RARB: variants seen among roughly 807,000 people sequenced by gnomAD.
RARB encodes the protein retinoic acid receptor beta, also known as HBV-activated protein.
In RARB, 17 loss-of-function variants were observed where a neutral mutation model predicts 51.9. That is an observed-to-expected ratio of 0.33 (90% CI 0.22 to 0.49). The LOEUF (loss-of-function observed/expected upper bound fraction) is 0.49, where lower values mean the gene tolerates loss of function less well. Ranked by LOEUF, RARB falls within the 20% of genes least tolerant of loss-of-function variation. The pLI is 0.99. For synonymous variants in RARB, 215 were observed against 195.4 expected, an observed-to-expected ratio of 1.10 and a Z score of -0.84; for missense variants, 369 against 550.8, an observed-to-expected ratio of 0.67 and a Z score of 3.30.
chr3:25,251,128 G>T (rs1047617486), intron 5 of RARB, among the ~76,000 whole-genome samples: 1 of 152,068 alleles, frequency 6.6e-6, no homozygotes, highest in African/African-American at 2.4e-5. Flanking sequence ...CAGCCACCTT[G>T]AATATGCATT....
intron 2 of RARB, among the ~76,000 whole-genome samples, chr3:25,472,116 C>T (rs959171394): frequency 6.6e-6 from 1 of 152,182 alleles, no homozygotes; most frequent in Non-Finnish European, 1.5e-5. Flanking sequence ...TAAATTAAGC[C>T]AGGCTTAGCT....
At chr3:24,912,610 A>AC (rs892144996) in intron 2 of RARB, among the ~76,000 whole-genome samples, 1 of 152,170 alleles carries the variant, frequency 6.6e-6, no homozygotes, top group African/African-American at 2.4e-5. Context: ...TAAAAATGGA[A>AC]CCAGGGCACA....
chr3:25,432,882 A>G (rs1008967292), intron 1 of RARB, among the ~76,000 whole-genome samples: 1 of 152,188 alleles, frequency 6.6e-6, no homozygotes, highest in Non-Finnish European at 1.5e-5. Context: ...AAAAACCAAG[A>G]TGCAAAATAC....
At chr3:25,057,974 A>G (rs1698471907) in intron 2 of RARB, among the ~76,000 whole-genome samples, 1 of 151,970 alleles carries the variant, frequency 6.6e-6, no homozygotes, top group Non-Finnish European at 1.5e-5. Context: ...TTTTTCCTGA[A>G]TTAAACTATT....
intron 5 of RARB, among the ~76,000 whole-genome samples, chr3:25,404,646 G>A (rs1707357406): frequency 6.6e-6 from 1 of 152,086 alleles, no homozygotes; most frequent in Non-Finnish European, 1.5e-5. Context: ...GGGACAGATA[G>A]TGGAAGCAGG....
At chr3:25,146,904 C>G (rs1028438644) in intron 4 of RARB, among the ~76,000 whole-genome samples, 1 of 152,136 alleles carries the variant, frequency 6.6e-6, no homozygotes, top group Non-Finnish European at 1.5e-5. Context: ...ATACCAGAGA[C>G]CCTTCCTTTG....
chr3:25,107,883 T>C (rs1289817804), intron 3 of RARB, among the ~76,000 whole-genome samples: 1 of 152,202 alleles, frequency 6.6e-6, no homozygotes. Flanking sequence ...AATTTTTCTT[T>C]CCTTATTAAG....
chr3:25,129,645 T>G (rs1011922027), intron 3 of RARB, among the ~76,000 whole-genome samples: 5 of 152,102 alleles, frequency 3.3e-5, no homozygotes, highest in Admixed American at 3.3e-4. Flanking sequence ...CTGATTGGTA[T>G]TTAATAAATA....
intron 3 of RARB, among the ~76,000 whole-genome samples, chr3:25,551,735 T>G (rs1006029344): frequency 3.3e-5 from 5 of 152,104 alleles, no homozygotes; most frequent in African/African-American, 9.7e-5. Context: ...AGAAGAGGGC[T>G]AGGGACACTC....
intron 3 of RARB, among the ~76,000 whole-genome samples, chr3:25,126,090 T>G (rs74568341): frequency 0.013 from 2,008 of 152,274 alleles, 37 homozygotes; most frequent in African/African-American, 0.041. Flanking sequence ...TTATTAAAAT[T>G]TTTTGCTGCT....
At chr3:25,226,113 G>A (rs1048790244) in intron 5 of RARB, among the ~76,000 whole-genome samples, 8 of 152,304 alleles carry the variant, frequency 5.3e-5, no homozygotes, top group Admixed American at 3.3e-4. Context: ...AAGGAAAGAC[G>A]TGTCCACTTT....
intron 5 of RARB, among the ~76,000 whole-genome samples, chr3:25,278,941 A>G (rs572303894): frequency 6.6e-6 from 1 of 152,296 alleles, no homozygotes; most frequent in East Asian, 1.9e-4. Flanking sequence ...CCCTGTAAGC[A>G]CAGCACCAAC....
At chr3:25,254,900 A>G (rs1658498983) in intron 5 of RARB, among the ~76,000 whole-genome samples, 1 of 151,448 alleles carries the variant, frequency 6.6e-6, no homozygotes, top group African/African-American at 2.4e-5. Flanking sequence ...AATATTATTG[A>G]GGCACTACCT....
chr3:24,988,472 A>G (rs759293959), intron 2 of RARB, among the ~76,000 whole-genome samples: 1 of 152,236 alleles, frequency 6.6e-6, no homozygotes, highest in Non-Finnish European at 1.5e-5. Flanking sequence ...TAATCCATGT[A>G]GAGTTGAAGA....
chr3:25,497,072 C>G (rs1427259168), intron 2 of RARB, among the ~76,000 whole-genome samples: 1 of 152,090 alleles, frequency 6.6e-6, no homozygotes, highest in African/African-American at 2.4e-5. Flanking sequence ...TTAGTAGAGA[C>G]GGGCTTTCTC....
chr3:25,385,078 C>T (rs1327671114), intron 5 of RARB, among the ~76,000 whole-genome samples: 1 of 152,178 alleles, frequency 6.6e-6, no homozygotes, highest in African/African-American at 2.4e-5. Flanking sequence ...AAAGCGTACA[C>T]TCCTCCCTCC....
At chr3:24,878,919 T>G (rs1703102411) in intron 2 of RARB, among the ~76,000 whole-genome samples, 1 of 152,216 alleles carries the variant, frequency 6.6e-6, no homozygotes, top group Admixed American at 6.5e-5. Context: ...TCAAATTTAT[T>G]TAGTTGTAAA....
intron 5 of RARB, among the ~76,000 whole-genome samples, chr3:25,419,218 G>A (rs560038814): frequency 2.7e-4 from 41 of 152,228 alleles, no homozygotes; most frequent in Admixed American, 2.6e-3. Context: ...TATGTATACA[G>A]GGAGGGCATC....
At chr3:25,066,810 C>T (rs2125306423) in intron 3 of RARB, among the ~76,000 whole-genome samples, 1 of 151,966 alleles carries the variant, frequency 6.6e-6, no homozygotes, top group East Asian at 1.9e-4. Flanking sequence ...CTCCTTTGTC[C>T]TCATCTTATG....
Sources: gnomAD v4.1 joint callset for allele counts (sites outside exome capture counted in the v4.1 genomes callset) on GRCh38, gnomAD v4.1.1 for gene constraint, MANE v1.5 for transcripts, NCBI Gene and HGNC (gene_info 2026-07-23, HGNC 2026-07-21) for gene names.